IRF5: variants seen among roughly 807,000 people sequenced by gnomAD.
The protein encoded by IRF5 is interferon regulatory factor 5.
A neutral mutation model predicts 55.1 loss-of-function variants in IRF5; 24 were observed. The ratio of observed to expected loss-of-function variants is 0.44; its 90% CI spans 0.32 to 0.61. IRF5 has a LOEUF of 0.61. Ranked by LOEUF, IRF5 falls within the 20% of genes least tolerant of loss-of-function variation. IRF5 has a pLI of 0.07. For synonymous variants in IRF5, 258 were observed against 260.2 expected (o/e 0.99, Z 0.08); for missense variants, 499 against 658.5 (o/e 0.76, Z 2.65).
upstream of IRF5, among the ~76,000 whole-genome samples, chr7:128,937,315 C>T (rs1472709388): frequency 6.6e-6 from 1 of 152,162 alleles, no homozygotes; most frequent in Non-Finnish European, 1.5e-5. Context: ...GAATCGAAAA[C>T]GGTTCAGAAC....
chr7:128,948,764 A>AG lies in IRF5; in HGVS notation c.1493dup (p.Leu499ProfsTer35). On this transcript the variant is annotated frameshift_variant, in exon 9 of 9. Coordinates refer to ENST00000357234, the MANE Select transcript of IRF5 (RefSeq NM_001098629.3). LOFTEE classifies it high-confidence loss of function. The surrounding 1 kb of genome is among the most constrained non-coding windows in gnomAD (Gnocchi z 4.6). ...CTGTGGCCCAGGCCCCTCCTGGAGC[A>AG]GGCCTTGGTGTTGGCCAGGGGCCCT... 1 of 1,611,488 alleles carries AG rather than the reference A, an allele frequency of 6.2e-7. No individual in the cohort carries two copies. Among genetic ancestry groups the AG allele is most frequent in the Non-Finnish European group, 8.5e-7 (1 of 1,180,014 alleles).
rs61451031 is a variant in IRF5 at position 128,943,707 on chromosome 7, A to ATTTTTTTTTT, written c.195+1457_195+1466dup. ...AGGCACCTGCCACCATGCCCGGCTA[A>ATTTTTTTTTT]TTTTTTTTTTTTTTTTTTTTTTTTT... is the stretch of plus-strand genomic sequence containing the variant. On this transcript the variant is annotated intron_variant, in intron 2 of 8. Coordinates refer to ENST00000357234, the MANE Select transcript of IRF5 (RefSeq NM_001098629.3). 5.6e-3 allele frequency among the ~76,000 whole-genome samples: 403 copies of ATTTTTTTTTT among 71,908 alleles called. 9 individuals carry two copies. Among genetic ancestry groups the ATTTTTTTTTT allele is most frequent in the East Asian group, 0.011 (18 of 1,586 alleles). The allele number at this position is 71,908 out of a possible 152,430, so 47.2% of individuals were successfully genotyped here.
chr7:128,948,223 C>T lies in IRF5; in HGVS notation c.1194C>T (p.Phe398=). The T allele has an allele frequency of 6.2e-7, 1 of 1,613,240 alleles. No homozygotes were observed. Among genetic ancestry groups the T allele is most frequent in the Non-Finnish European group, 8.5e-7 (1 of 1,179,626 alleles). ...ATTTTGATGCAGAGCTCATCCTGTT[C>T]CAAAAGGGCCAGACCAACACCCCAC... ...LEHFLNELIL[F]QKGQTNTPPP... Residue 398 remains phenylalanine (F), a synonymous_variant, in exon 8 of 9, where the codon TTC becomes TTT. Transcript: ENST00000357234. This position sits in a 1 kb window ranked among gnomAD's most constrained non-coding sequence, Gnocchi z 4.6.
Position 128,946,438 on chromosome 7 carries a change from G to C in IRF5, c.386-63G>C. On this transcript the variant is annotated intron_variant, in intron 3 of 8. Coordinates refer to ENST00000357234, the MANE Select transcript of IRF5 (RefSeq NM_001098629.3). The surrounding 1 kb of genome is among the most constrained non-coding windows in gnomAD (Gnocchi z 4.2). Reference sequence around the variant, plus strand: ...AGGAGCTACAGGCAGCCTCTCAGGGGATCTTGCTTCTCCTCCGACATTGAC... The same window carrying C: ...AGGAGCTACAGGCAGCCTCTCAGGGCATCTTGCTTCTCCTCCGACATTGAC... 1 of 1,553,498 alleles carries C rather than the reference G, an allele frequency of 6.4e-7. No individual in the cohort carries two copies. Among genetic ancestry groups the C allele is most frequent in the East Asian group, 2.4e-5 (1 of 42,148 alleles).
rs1454736216 is a variant in IRF5 at position 128,947,123 on chromosome 7, G to C, written c.481+67G>C. 6.2e-7 allele frequency: 1 copy of C among 1,613,578 alleles called. No individual in the cohort carries two copies. Among genetic ancestry groups the C allele is most frequent in the Middle Eastern group, 1.7e-4 (1 of 6,058 alleles). Reference sequence around the variant, plus strand: ...AAGCTATAGGTACCATAGGTACCTGGAAGGGGGCTGATGGGAGGCTAGGGT... The same window carrying C: ...AAGCTATAGGTACCATAGGTACCTGCAAGGGGGCTGATGGGAGGCTAGGGT... On this transcript the variant is annotated intron_variant, in intron 5 of 8. Coordinates refer to ENST00000357234, the MANE Select transcript of IRF5 (RefSeq NM_001098629.3). This position sits in a 1 kb window ranked among gnomAD's most constrained non-coding sequence, Gnocchi z 6.5.
chr7:128,949,071 T>C lies in IRF5; in HGVS notation c.*253T>C. 7.7e-6 allele frequency: 4 copies of C among 516,370 alleles called. No homozygotes were observed. The highest frequency in any genetic ancestry group is 1.4e-5 in the Non-Finnish European group (4 of 287,146). The allele number at this position is 516,370 out of a possible 1,614,324, so 32.0% of individuals were successfully genotyped here. A position where few individuals can be genotyped will look rare whatever the true frequency, so the allele number is the denominator to read the frequency against. ...TCAGCCATGAGCAGGGAAAGAACTC[T>C]CCCAACCCTGGGGCCTAGCTGTATA... On this transcript the variant is annotated 3_prime_UTR_variant, in exon 9 of 9. Transcript: ENST00000357234.
chr7:128,939,880 G>A (rs755631509), intron 1 of IRF5, among the ~76,000 whole-genome samples: 2 of 152,210 alleles, frequency 1.3e-5, no homozygotes, highest in African/African-American at 4.8e-5. Flanking sequence ...CAGAGACTCC[G>A]GAGCCTGGCA....
Position 128,947,320 on chromosome 7 carries a change from GGCC to G in IRF5, c.576_578del (p.Pro193del). ...CCCACTCTGCAGCCGCCCACTCTGC[GGCC>G]GCCTACTCTGCAGCCGCCCACTCTG... On this transcript the variant is annotated inframe_deletion, in exon 6 of 9. Coordinates refer to ENST00000357234, the MANE Select transcript of IRF5 (RefSeq NM_001098629.3). This position sits in a 1 kb window ranked among gnomAD's most constrained non-coding sequence, Gnocchi z 6.5. The G allele has an allele frequency of 2.4e-6, 1 of 413,458 alleles. No homozygotes were observed. 25.6% of individuals were successfully genotyped at this position (413,458 alleles called of 1,614,324 possible).
Position 128,947,411 on chromosome 7 carries a change from C to T in IRF5, c.663C>T (p.Gly221=). 2 of 1,611,010 alleles carry T rather than the reference C, an allele frequency of 1.2e-6. No homozygotes were observed. Among genetic ancestry groups the T allele is most frequent in the Non-Finnish European group, 1.7e-6 (2 of 1,179,034 alleles). Residue 221 remains glycine, a synonymous_variant, in exon 6 of 9, where the codon GGC becomes GGT. Coordinates refer to ENST00000357234, the MANE Select transcript of IRF5 (RefSeq NM_001098629.3). The surrounding 1 kb of genome is among the most constrained non-coding windows in gnomAD (Gnocchi z 6.5). Reference sequence around the variant, plus strand: ...CCAGCCCCCTGGCTCCTCCCCCTGGCAACCCTGCTGGCTTCAGGGAGCTTC... The same window carrying T: ...CCAGCCCCCTGGCTCCTCCCCCTGGTAACCCTGCTGGCTTCAGGGAGCTTC... ...PDPSPLAPPP[G]NPAGFRELLS...
rs1430195128 is a variant in IRF5 at position 128,947,462 on chromosome 7, CCT to C, written c.715_716del (p.Leu239AlafsTer80). 1 of 1,611,410 alleles carries C rather than the reference CCT, an allele frequency of 6.2e-7. No individual in the cohort carries two copies. The highest frequency in any genetic ancestry group is 1.7e-5 in the Admixed American group (1 of 59,828). On this transcript the variant is annotated frameshift_variant, in exon 6 of 9. Transcript: ENST00000357234. LOFTEE classifies it high-confidence loss of function. The surrounding 1 kb of genome is among the most constrained non-coding windows in gnomAD (Gnocchi z 6.5). ...LLSEVLEPGP[L>X]PASLPPAGEQ... ...TCTCTGAGGTCCTGGAGCCTGGGCC[CCT>C]GCCTGCCAGCCTGCCCCCTGCAGGC...
chr7:128,948,229 G>A lies in IRF5; in HGVS notation c.1200G>A (p.Lys400=), dbSNP rs961082732. The A allele has an allele frequency of 1.2e-6, 2 of 1,613,622 alleles. No homozygotes were observed. Among genetic ancestry groups the A allele is most frequent in the Admixed American group, 3.3e-5 (2 of 59,928 alleles). ...HFLNELILFQ[K]GQTNTPPPFE... ...ATGCAGAGCTCATCCTGTTCCAAAA[G>A]GGCCAGACCAACACCCCACCACCCT... The change falls in exon 8 of 9, where the codon AAG becomes AAA. Residue 400 remains lysine, a synonymous_variant. Transcript: ENST00000357234. This position sits in a 1 kb window ranked among gnomAD's most constrained non-coding sequence, Gnocchi z 4.6.
chr7:128,937,284 T>C (rs3807134), upstream of IRF5, among the ~76,000 whole-genome samples: 16,513 of 152,154 alleles, frequency 0.11, 926 homozygotes, highest in Non-Finnish European at 0.12. Flanking sequence ...AGGTGGAGGT[T>C]CTGGGGTGAG....
chr7:128,943,541 ATTTT>A (rs71162542), intron 2 of IRF5, among the ~76,000 whole-genome samples: 3 of 107,858 alleles, frequency 2.8e-5, no homozygotes, highest in Non-Finnish European at 1.9e-5. Context: ...TGCCCAGCTA[ATTTT>A]TTTTTTTTTT....
In IRF5 at chr7:128,948,180, C is replaced by A. The variant is rs772655451; in HGVS notation, c.1181-30C>A. Reference sequence around the variant, plus strand: ...CTCTTGCCCAGGGCATGGTTCCAGCCTCTGACTAGGGACCTTGATTTTGAT... The same window carrying A: ...CTCTTGCCCAGGGCATGGTTCCAGCATCTGACTAGGGACCTTGATTTTGAT... On this transcript the variant is annotated intron_variant, in intron 7 of 8. Transcript: ENST00000357234. This position sits in a 1 kb window ranked among gnomAD's most constrained non-coding sequence, Gnocchi z 4.6. The A allele has an allele frequency of 3.1e-6, 5 of 1,611,682 alleles. No individual in the cohort carries two copies. Among genetic ancestry groups the A allele is most frequent in the Non-Finnish European group, 3.4e-6 (4 of 1,178,508 alleles).
At chr7:128,944,088 G>A (rs1796181328) in intron 2 of IRF5, among the ~76,000 whole-genome samples, 1 of 152,130 alleles carries the variant, frequency 6.6e-6, no homozygotes, top group African/African-American at 2.4e-5. Flanking sequence ...GTGTGTATAT[G>A]GAATGCAAAA....
In IRF5 at chr7:128,947,627, G is replaced by A. The variant is rs1796392643; in HGVS notation, c.787+92G>A. 53 of 1,511,134 alleles carry A rather than the reference G, an allele frequency of 3.5e-5. No individual in the cohort carries two copies. The South Asian group carries it at 6.5e-4, about 19-fold the overall frequency. The allele number at this position is 1,511,134 out of a possible 1,614,324, so 93.6% of individuals were successfully genotyped here. ...TGGAGGGTGCTGGACTCCCTTGGGT[G>A]GGAAAAGTGGGAGGGCGGATGGGGC... On this transcript the variant is annotated intron_variant, in intron 6 of 8. Transcript: ENST00000357234. The surrounding 1 kb of genome is among the most constrained non-coding windows in gnomAD (Gnocchi z 6.5).
In IRF5 at chr7:128,948,752, C is replaced by T. The variant is rs371178520; in HGVS notation, c.1479C>T (p.Ala493=). The change falls in exon 9 of 9, where the codon GCC becomes GCT. Residue 493 remains alanine (A), a synonymous_variant. Coordinates refer to ENST00000357234, the MANE Select transcript of IRF5 (RefSeq NM_001098629.3). The surrounding 1 kb of genome is among the most constrained non-coding windows in gnomAD (Gnocchi z 4.6). The part of the protein sequence containing the change: ...SQQRLQPVAQ[A]PPGAGLGVGQ... ...AGCGGTTGCAGCCTGTGGCCCAGGC[C>T]CCTCCTGGAGCAGGCCTTGGTGTTG... 3.7e-6 allele frequency: 6 copies of T among 1,612,526 alleles called. No individual in the cohort carries two copies. The African/African-American group carries it at 8.0e-5, about 22-fold the overall frequency.
At position 128,946,897 on chromosome 7, in the gene IRF5, T is replaced by C. The variant is rs1796334983; in HGVS notation, c.448-126T>C. 8.2e-7 allele frequency: 1 copy of C among 1,214,998 alleles called. No homozygotes were observed. The allele number at this position is 1,214,998 out of a possible 1,614,324, so 75.3% of individuals were successfully genotyped here. ...ACCGGAGGCAGGGTCTTGCCTGAGCTAAACTGAGGCTAGGGGAGTTGCCTC... is the reference window on the plus strand; with the variant it reads ...ACCGGAGGCAGGGTCTTGCCTGAGCCAAACTGAGGCTAGGGGAGTTGCCTC... On this transcript the variant is annotated intron_variant, in intron 4 of 8. Transcript: ENST00000357234. This position sits in a 1 kb window ranked among gnomAD's most constrained non-coding sequence, Gnocchi z 4.2.
chr7:128,946,620 C>T lies in IRF5; in HGVS notation c.447+58C>T, dbSNP rs779736518. The T allele has an allele frequency of 5.8e-5, 71 of 1,214,048 alleles. No individual in the cohort carries two copies. Among genetic ancestry groups the T allele is most frequent in the Non-Finnish European group, 7.6e-5 (64 of 842,326 alleles). 75.2% of individuals were successfully genotyped at this position (1,214,048 alleles called of 1,614,324 possible). On this transcript the variant is annotated intron_variant, in intron 4 of 8. Transcript: ENST00000357234. The surrounding 1 kb of genome is among the most constrained non-coding windows in gnomAD (Gnocchi z 4.2). ...TGGACGAGCTCTCTGCTGTCCCCAT[C>T]GGCCTTAGGTTTCCGCAGCCCCACT...
Sources: allele counts gnomAD v4.1 joint callset (sites outside exome capture counted in the v4.1 genomes callset), GRCh38; gene constraint gnomAD v4.1.1; non-coding constraint Gnocchi (gnomAD v3.1); transcripts MANE v1.5; gene names NCBI Gene and HGNC (gene_info 2026-07-23, HGNC 2026-07-21).